STK35: variants seen among roughly 807,000 people sequenced by gnomAD.
STK35 encodes the protein serine/threonine kinase 35.
Under a neutral mutation model 37.3 loss-of-function variants are expected in STK35, and 17 were observed. The observed-to-expected ratio is 0.46, with a 90% confidence interval of 0.31 to 0.68. STK35 has a LOEUF of 0.68. STK35 is among the 30% of genes least tolerant of loss of function. The pLI is 0.05. For synonymous variants in STK35, 385 were observed against 319.1 expected (o/e 1.21, Z -2.20); for missense variants, 595 against 746.7 (o/e 0.80, Z 2.37).
At chr20:2,119,682 T>A (rs148863276) in intron 3 of STK35, among the ~76,000 whole-genome samples, 1 of 152,242 alleles carries the variant, frequency 6.6e-6, no homozygotes, top group Non-Finnish European at 1.5e-5. Context: ...TATGGTGAGC[T>A]AGAAGTAAGC....
chr20:2,104,536 C>T (rs1985477296), intron 2 of STK35, among the ~76,000 whole-genome samples: 1 of 152,140 alleles, frequency 6.6e-6, no homozygotes, highest in African/African-American at 2.4e-5. Flanking sequence ...TGTCTTGATT[C>T]GAGGCCTGGA....
Position 2,145,534 on chromosome 20 carries a change from G to C in STK35, c.*1788G>C, listed in dbSNP as rs2185675. ...TTTGCTCACATTCTTTCAGCCTTCT[G>C]TCACCCCCCTCAACACCAAACTTTC... On this transcript the variant is annotated 3_prime_UTR_variant, in exon 4 of 4. Coordinates refer to ENST00000381482, the MANE Select transcript of STK35 (RefSeq NM_080836.4). 0.54 allele frequency: 82,342 copies of C among 151,894 alleles called. 23,745 individuals carry two copies. Among genetic ancestry groups the C allele is most frequent in the East Asian group, 0.94 (4,821 of 5,146 alleles). The allele number at this position is 151,894 out of a possible 1,614,324, so 9.4% of individuals were successfully genotyped here.
In STK35 at chr20:2,147,756, C is replaced by T. The variant is rs1431057305; in HGVS notation, c.*4010C>T. On this transcript the variant is annotated 3_prime_UTR_variant, in exon 4 of 4. Transcript: ENST00000381482. ...CCCTCCTAGGCCTGTCTGGCAGCCCCCAGACAGACGTAGCTCCTGGGAGTC... is the reference window on the plus strand; with the variant it reads ...CCCTCCTAGGCCTGTCTGGCAGCCCTCAGACAGACGTAGCTCCTGGGAGTC... 1.3e-5 allele frequency: 2 copies of T among 152,220 alleles called. No individual in the cohort carries two copies. Among genetic ancestry groups the T allele is most frequent in the Non-Finnish European group, 2.9e-5 (2 of 68,064 alleles). The allele number at this position is 152,220 out of a possible 1,614,324, so 9.4% of individuals were successfully genotyped here.
rs913074569 is a variant in STK35, at chr20:2,143,914, C to T, written c.*168C>T. ...CAATGTGAAGCTTTTGTTTGGGTTT[C>T]CCCGCTTCTTTTTAGTTTTGCTTTA... On this transcript the variant is annotated 3_prime_UTR_variant, in exon 4 of 4. Coordinates refer to ENST00000381482, the MANE Select transcript of STK35 (RefSeq NM_080836.4). 6.8e-6 allele frequency: 3 copies of T among 440,658 alleles called. No homozygotes were observed. Among genetic ancestry groups the T allele is most frequent in the Admixed American group, 2.6e-5 (1 of 38,012 alleles). 27.3% of individuals were successfully genotyped at this position (440,658 alleles called of 1,614,324 possible).
intron 2 of STK35, among the ~76,000 whole-genome samples, chr20:2,105,785 C>T (rs969815295): frequency 1.3e-5 from 2 of 152,168 alleles, no homozygotes; most frequent in African/African-American, 2.4e-5. Context: ...CTCAAGTTTC[C>T]CAAACTTGTT....
In STK35 at chr20:2,148,390, T is replaced by G. The variant is rs554473899; in HGVS notation, c.*4644T>G. The G allele has an allele frequency of 3.3e-5, 5 of 152,762 alleles. No homozygotes were observed. The South Asian group carries it at 1.0e-3, about 32-fold the overall frequency. The allele number at this position is 152,762 out of a possible 1,614,324, so 9.5% of individuals were successfully genotyped here. On this transcript the variant is annotated 3_prime_UTR_variant, in exon 4 of 4. Coordinates refer to ENST00000381482, the MANE Select transcript of STK35 (RefSeq NM_080836.4). ...GTGTGAACAACTTTATATGAATATT[T>G]TTTGTACTTGGTTTACTTGGGTTGG... is the stretch of plus-strand genomic sequence containing the variant.
chr20:2,102,355 A>T lies in STK35; in HGVS notation c.294+180A>T, dbSNP rs183352616. Among the ~76,000 whole-genome samples, 114 of 152,244 alleles carry T rather than the reference A, an allele frequency of 7.5e-4. No individual in the cohort carries two copies. The Middle Eastern group carries it at 0.01, about 14-fold the overall frequency. ...TTGGGTCGGTCCGCTGGGCTCCGCT[A>T]GGGCTTAATTCAATGGACTGTTTAC... is the stretch of plus-strand genomic sequence containing the variant. On this transcript the variant is annotated intron_variant, in intron 1 of 3. Transcript: ENST00000381482.
intron 3 of STK35, among the ~76,000 whole-genome samples, chr20:2,118,581 C>CAA (rs11295812): frequency 1.4e-5 from 2 of 141,924 alleles, no homozygotes; most frequent in Admixed American, 6.9e-5. Flanking sequence ...GACTCCGTCT[C>CAA]AAAAAAAAAA....
intron 2 of STK35, among the ~76,000 whole-genome samples, chr20:2,114,606 T>C (rs1193749516): frequency 1.3e-5 from 2 of 152,184 alleles, no homozygotes; most frequent in Non-Finnish European, 2.9e-5. Context: ...TGAGTCTAGC[T>C]CCTTCCTCAG....
At chr20:2,127,267 T>C (rs1985922455) in intron 3 of STK35, among the ~76,000 whole-genome samples, 1 of 152,072 alleles carries the variant, frequency 6.6e-6, no homozygotes, top group South Asian at 2.1e-4. Flanking sequence ...TTTTTTTTTT[T>C]CTACTTTTTT....
chr20:2,117,238 C>T lies in STK35; in HGVS notation c.1465C>T (p.His489Tyr). Residue 489 changes from histidine (H) to tyrosine (Y), a missense_variant, in exon 3 of 4, where the codon CAC becomes TAC. His to Tyr is a moderately conservative substitution (Grantham distance 83). Coordinates refer to ENST00000381482, the MANE Select transcript of STK35 (RefSeq NM_080836.4). This position sits in a 1 kb window ranked among gnomAD's most constrained non-coding sequence, Gnocchi z 4.4. ...ALLENPKMEL[H>Y]IPQKRRTSMS... The stretch of plus-strand genomic sequence containing the variant: ...GCTAGAAAACCCAAAGATGGAGTTG[C>T]ACATCCCCCAAAAACGCAGGACTTC... The T allele has an allele frequency of 6.2e-7, 1 of 1,614,170 alleles. No individual in the cohort carries two copies. Among genetic ancestry groups the T allele is most frequent in the African/African-American group, 1.3e-5 (1 of 75,034 alleles).
intron 2 of STK35, among the ~76,000 whole-genome samples, chr20:2,109,928 G>C (rs1985586954): frequency 6.6e-6 from 1 of 152,252 alleles, no homozygotes; most frequent in African/African-American, 2.4e-5. Context: ...TGTCCGGCCG[G>C]TGGGTTTACT....
chr20:2,106,783 C>T (rs1985523986), intron 2 of STK35, among the ~76,000 whole-genome samples: 2 of 152,178 alleles, frequency 1.3e-5, no homozygotes, highest in South Asian at 2.1e-4. Context: ...TGTCTCCTTC[C>T]ATTCTGTGCA....
chr20:2,123,776 A>G (rs1985859484), intron 3 of STK35, among the ~76,000 whole-genome samples: 1 of 152,076 alleles, frequency 6.6e-6, no homozygotes, highest in African/African-American at 2.4e-5. Flanking sequence ...AAATAGGTCC[A>G]CTCTATGACT....
Position 2,116,675 on chromosome 20 carries a change from T to G in STK35, c.902T>G (p.Ile301Ser), listed in dbSNP as rs1418838572. Residue 301 changes from isoleucine to serine, a missense_variant, in exon 3 of 4, where the codon ATC becomes AGC. By Grantham distance (142) the Ile-to-Ser change is moderately radical. Coordinates refer to ENST00000381482, the MANE Select transcript of STK35 (RefSeq NM_080836.4). ...GTCTTCTTTGATTTAGGAGAAAGGA[T>G]CCTGGGTTATGCTGAGGAGCCCTGC... ...LVETSLKGER[I>S]LGYAEEPCYL... 1.2e-6 allele frequency: 2 copies of G among 1,612,652 alleles called. No individual in the cohort carries two copies. Among genetic ancestry groups the G allele is most frequent in the Non-Finnish European group, 1.7e-6 (2 of 1,179,020 alleles).
intron 3 of STK35, among the ~76,000 whole-genome samples, chr20:2,129,305 G>A (rs1985959002): frequency 6.6e-6 from 1 of 152,118 alleles, no homozygotes; most frequent in African/African-American, 2.4e-5. Flanking sequence ...TTCGTAAAGG[G>A]GGGTTGCTAA....
At chr20:2,138,568 C>T (rs1986123077) in intron 3 of STK35, among the ~76,000 whole-genome samples, 1 of 152,180 alleles carries the variant, frequency 6.6e-6, no homozygotes, top group African/African-American at 2.4e-5. Flanking sequence ...CTGTGTTCTT[C>T]CCTGAGGGAG....
intron 2 of STK35, among the ~76,000 whole-genome samples, chr20:2,104,727 GACAGTGGAGTTGGAA>G (rs1219490523): frequency 6.6e-6 from 1 of 152,164 alleles, no homozygotes; most frequent in Non-Finnish European, 1.5e-5. Context: ...TCAGTTGTTT[GACAGTGGAGTTGGAA>G]ACATGAATCA....
At chr20:2,104,186 C>G (rs1052722053) in intron 2 of STK35, among the ~76,000 whole-genome samples, 2 of 152,120 alleles carry the variant, frequency 1.3e-5, no homozygotes, top group African/African-American at 4.8e-5. Flanking sequence ...GGAATGTATT[C>G]ATCCTAACTA....
Sources: gnomAD v4.1 joint callset for allele counts (sites outside exome capture counted in the v4.1 genomes callset) on GRCh38, gnomAD v4.1.1 for gene constraint, Gnocchi (gnomAD v3.1) non-coding constraint, MANE v1.5 for transcripts, NCBI Gene and HGNC (gene_info 2026-07-23, HGNC 2026-07-21) for gene names.